Variants in ABCA4 observed in about 807,000 individuals in gnomAD.
ABCA4 encodes the protein ATP binding cassette subfamily A member 4.
In ABCA4, 196 loss-of-function variants were observed where a neutral mutation model predicts 263.7. That is an observed-to-expected ratio of 0.74 (90% CI 0.66 to 0.84). The LOEUF is 0.84. ABCA4 is among the 40% of genes least tolerant of loss of function. The pLI, the probability that ABCA4 is intolerant of heterozygous loss-of-function variation, is 0.00. For synonymous variants in ABCA4, 1,133 were observed against 1,094.2 expected, an observed-to-expected ratio of 1.04 and a Z score of -0.70; for missense variants, 2,792 against 2,855.1, an observed-to-expected ratio of 0.98 and a Z score of 0.50.
intron 4 of ABCA4, 108 bp from the exon 5 acceptor site, chr1:94,103,250 G>A: frequency 1.4e-6 from 2 of 1,439,548 alleles, no homozygotes; most frequent in Non-Finnish European, 1.9e-6. Context: ...CTCAGAGGAA[G>A]GTTCTGTTCT....
At chr1:94,037,006 C>A (rs1017816743) in intron 25 of ABCA4, 139 bp downstream of exon 25, 3 of 1,015,202 alleles carry the variant, frequency 3.0e-6, no homozygotes, top group Middle Eastern at 3.0e-4. Context: ...GGAACTATGC[C>A]AAAAATAAAG....
Position 94,095,975 on chromosome 1 carries a change from T to G in ABCA4, c.768+2819A>C, listed in dbSNP as rs368221112. ...TCCTCTGGGCCATCTCCCGGTCCAC[T>G]GCAGGCTCTGTCGCTCACCAGCTTT... On this transcript the variant is annotated intron_variant, in intron 6 of 49. Transcript: ENST00000370225. Among the ~76,000 whole-genome samples, 13 of 152,168 alleles carry G rather than the reference T, an allele frequency of 8.5e-5. 1 individual carries two copies. Among genetic ancestry groups the G allele is most frequent in the Admixed American group, 3.9e-4 (6 of 15,278 alleles).
chr1:94,110,702 A>G (rs1557809254), intron 3 of ABCA4, among the ~76,000 whole-genome samples: 1 of 152,316 alleles, frequency 6.6e-6, no homozygotes, highest in East Asian at 1.9e-4. Flanking sequence ...GTGGGATTCG[A>G]CTTGAATTTT....
chr1:94,035,670 C>A (rs1424984723), intron 26 of ABCA4, among the ~76,000 whole-genome samples: 1 of 152,152 alleles, frequency 6.6e-6, no homozygotes, highest in Non-Finnish European at 1.5e-5. Context: ...GTGTTAGGAG[C>A]CCAGGGGCAG....
intron 1 of ABCA4, among the ~76,000 whole-genome samples, chr1:94,118,869 A>C (rs1021143637): frequency 6.6e-6 from 1 of 152,252 alleles, no homozygotes; most frequent in African/African-American, 2.4e-5. Flanking sequence ...TCTCTGTCAC[A>C]GCGACATGAG....
At chr1:94,069,267 GAT>G (rs1201329908) in intron 11 of ABCA4, among the ~76,000 whole-genome samples, 10 of 152,214 alleles carry the variant, frequency 6.6e-5, no homozygotes, top group Non-Finnish European at 1.3e-4. Flanking sequence ...TTCAGTAACA[GAT>G]ACATTAAATT....
intron 36 of ABCA4, chr1:94,018,446 G>A (rs114147805): frequency 4.8e-5 from 20 of 413,292 alleles, no homozygotes; most frequent in African/African-American, 8.2e-5. Context: ...GTGTTTCCTC[G>A]TGTAGACAGA....
At chr1:94,083,049 C>T (rs1043589863) in intron 7 of ABCA4, among the ~76,000 whole-genome samples, 2 of 152,186 alleles carry the variant, frequency 1.3e-5, no homozygotes, top group African/African-American at 4.8e-5. Context: ...CACCTCAGTA[C>T]TGAAAAGACT....
chr1:94,021,813 A>G lies in ABCA4; in HGVS notation c.4773+33T>C, dbSNP rs772879497. ...ATTCATGGTAGTTAAGCAAGTCAAA[A>G]ATCCTACTCAAATCTCCAGTCTGTT... On this transcript the variant is annotated intron_variant, in intron 33 of 49. Transcript: ENST00000370225. The G allele has an allele frequency of 3.1e-6, 5 of 1,611,900 alleles. No homozygotes were observed. In the East Asian group the frequency reaches 8.9e-5, roughly 29 times the overall value.
At chr1:94,026,918 T>G (rs1336560622) in intron 30 of ABCA4, among the ~76,000 whole-genome samples, 2 of 151,338 alleles carry the variant, frequency 1.3e-5, no homozygotes, top group East Asian at 3.9e-4. Context: ...GAGTGTGGGT[T>G]TGTGAGTGTG....
intron 49 of ABCA4, 25 bp from the exon 50 acceptor site, chr1:93,993,267 C>T (rs370860160): frequency 1.1e-4 from 170 of 1,613,580 alleles, no homozygotes; most frequent in Middle Eastern, 3.3e-4. Context: ...CACATGGACT[C>T]GCGTCATCTT....
intron 11 of ABCA4, among the ~76,000 whole-genome samples, chr1:94,071,782 A>G (rs182019503): frequency 3.8e-4 from 58 of 152,264 alleles, no homozygotes; most frequent in African/African-American, 1.3e-3. Flanking sequence ...GGCCAGTTAT[A>G]TGTTTCTTAG....
intron 4 of ABCA4, among the ~76,000 whole-genome samples, chr1:94,107,482 C>T (rs571719317): frequency 1.3e-5 from 2 of 152,352 alleles, no homozygotes; most frequent in South Asian, 2.1e-4. Flanking sequence ...CAGCACACAA[C>T]ACCCACTCAC....
chr1:94,077,033 AT>A (rs1661553008), intron 11 of ABCA4, among the ~76,000 whole-genome samples: 1 of 152,242 alleles, frequency 6.6e-6, no homozygotes, highest in Non-Finnish European at 1.5e-5. Context: ...ATTGGCAATG[AT>A]AATGGTGCAA....
intron 36 of ABCA4, chr1:94,018,688 T>A (rs72958435): frequency 2.3e-6 from 1 of 443,866 alleles, no homozygotes; most frequent in Admixed American, 2.5e-5. Context: ...GTTGAGATTT[T>A]ACTACTCAAG....
chr1:94,028,804 G>A (rs114767722), intron 30 of ABCA4, among the ~76,000 whole-genome samples: 1 of 151,326 alleles, frequency 6.6e-6, no homozygotes, highest in Non-Finnish European at 1.5e-5. Context: ...CCACTACTCG[G>A]GGGGGCTGAG....
Position 94,092,904 on chromosome 1 carries a change from T to C in ABCA4, c.768+5890A>G, listed in dbSNP as rs1662006016. Among the ~76,000 whole-genome samples the C allele has an allele frequency of 3.3e-5, 5 of 152,244 alleles. No homozygotes were observed. In the South Asian group the frequency reaches 1.0e-3, roughly 31 times the overall value. ...AAATGCTTTTTGTTCAAAGTGTTTTTCCATCTCTTCTCTAATGTGAATTTC... is the reference window on the plus strand; with the variant it reads ...AAATGCTTTTTGTTCAAAGTGTTTTCCCATCTCTTCTCTAATGTGAATTTC... On this transcript the variant is annotated intron_variant, in intron 6 of 49. Coordinates refer to ENST00000370225, the MANE Select transcript of ABCA4 (RefSeq NM_000350.3).
chr1:94,041,931 A>C (rs1482656797), intron 22 of ABCA4, among the ~76,000 whole-genome samples: 1 of 152,010 alleles, frequency 6.6e-6, no homozygotes, highest in Non-Finnish European at 1.5e-5. Context: ...CCCCGTCTCT[A>C]CTAAAAATAC....
chr1:94,115,658 A>G (rs1557811542), intron 1 of ABCA4, among the ~76,000 whole-genome samples: 1 of 152,020 alleles, frequency 6.6e-6, no homozygotes, highest in Non-Finnish European at 1.5e-5. Flanking sequence ...TGAGGGTGAA[A>G]TGAGACAATT....
Sources: allele counts gnomAD v4.1 joint callset (sites outside exome capture counted in the v4.1 genomes callset), GRCh38; gene constraint gnomAD v4.1.1; transcripts MANE v1.5; gene names NCBI Gene and HGNC (gene_info 2026-07-23, HGNC 2026-07-21).